Variants in TAS1R2 observed in about 807,000 individuals in gnomAD.
TAS1R2 encodes the protein taste 1 receptor member 2.
TAS1R2 carries 47 observed loss-of-function variants against 49.3 expected under a neutral mutation model. The observed-to-expected ratio is 0.95, with a 90% CI of 0.75 to 1.22. The LOEUF is 1.22. Ranked by LOEUF, TAS1R2 falls within the 50% of genes most tolerant of loss-of-function variation. The probability of loss-of-function intolerance (pLI) is 0.00; values close to 1 mark genes in which losing one functional copy is unlikely to be tolerated. For synonymous variants in TAS1R2, 479 were observed against 467.9 expected (o/e 1.02, Z -0.31); for missense variants, 1,155 against 1,122.1 (o/e 1.03, Z -0.42).
chr1:18,855,014 C>A, intron 2 of TAS1R2, 28 bp from the exon 3 acceptor site: 2 of 1,586,454 alleles, frequency 1.3e-6, no homozygotes, highest in South Asian at 1.1e-5. Flanking sequence ...GTGGCATGAG[C>A]GAGTGCCCCG....
At chr1:18,851,532 T>C (rs764991054) in intron 3 of TAS1R2, among the ~76,000 whole-genome samples, 10 of 152,136 alleles carry the variant, frequency 6.6e-5, no homozygotes, top group Admixed American at 1.3e-4. Context: ...GGTTTCACCA[T>C]GTTGGCCAGG....
chr1:18,840,376 C>G (rs1295063839), exon 6 of TAS1R2: 1 of 1,614,138 alleles, frequency 6.2e-7, no homozygotes, highest in Non-Finnish European at 8.5e-7. Context: ...CCAGGATGGC[C>G]AGGGTGCTGA....
rs561796605 is a variant in TAS1R2 at position 18,850,942 on chromosome 1, G to A, written c.1258-1392C>T. Among the ~76,000 whole-genome samples, 393 of 152,302 alleles carry A rather than the reference G, an allele frequency of 2.6e-3. 4 individuals are homozygous for A. The highest frequency in any genetic ancestry group is 0.017 in the Middle Eastern group (5 of 294). The stretch of plus-strand genomic sequence containing the variant: ...GAGGAGGAGTACATTCAGCCTCTTC[G>A]CTGCCCCAGGTAATTTGCATCATGA... On this transcript the variant is annotated intron_variant, in intron 3 of 5. Transcript: ENST00000375371.
At chr1:18,855,624 C>T (rs896271102) in intron 2 of TAS1R2, among the ~76,000 whole-genome samples, 5 of 152,184 alleles carry the variant, frequency 3.3e-5, no homozygotes, top group African/African-American at 7.2e-5. Flanking sequence ...CCCATTTCCA[C>T]GTCAACAACT....
At chr1:18,848,472 C>A (rs1933962134) in intron 4 of TAS1R2, among the ~76,000 whole-genome samples, 1 of 152,034 alleles carries the variant, frequency 6.6e-6, no homozygotes, top group Admixed American at 6.5e-5. Context: ...ACTGTATACC[C>A]ACGAATAGAG....
In TAS1R2 at chr1:18,854,011, T is replaced by C. The variant is rs1484860541; in HGVS notation, c.1257+202A>G. Among the ~76,000 whole-genome samples the C allele has an allele frequency of 1.3e-5, 2 of 152,204 alleles. No homozygotes were observed. Among genetic ancestry groups the C allele is most frequent in the Non-Finnish European group, 2.9e-5 (2 of 68,024 alleles). On this transcript the variant is annotated intron_variant, in intron 3 of 5. Transcript: ENST00000375371. The surrounding 1 kb of genome is among the most constrained non-coding windows in gnomAD (Gnocchi z 4.9). ...GGATTTCCTTCTGGTGAATTCCACC[T>C]GAATCTCCCAAGAACAGACTACTAT...
At chr1:18,843,094 A>C (rs12137730) in intron 4 of TAS1R2, among the ~76,000 whole-genome samples, 46,399 of 152,066 alleles carry the variant, frequency 0.31, 7,702 homozygotes, top group Non-Finnish European at 0.37. Flanking sequence ...TATCTTATCA[A>C]ATCACTGACA....
exon 1 of TAS1R2, chr1:18,859,591 T>TCTCAGCCGG: frequency 6.2e-7 from 1 of 1,614,178 alleles, no homozygotes; most frequent in Non-Finnish European, 8.5e-7. Context: ...AAGTCCGAGT[T>TCTCAGCCGG]CTCAGCCGGC....
At chr1:18,857,726 A>AGG in intron 1 of TAS1R2, 95 bp from the exon 2 acceptor site, 2 of 1,421,290 alleles carry the variant, frequency 1.4e-6, no homozygotes, top group Non-Finnish European at 1.9e-6. Context: ...TGCCACAGGA[A>AGG]AGCCAAGGCA....
intron 4 of TAS1R2, among the ~76,000 whole-genome samples, chr1:18,844,176 C>T (rs1933875967): frequency 6.6e-6 from 1 of 152,108 alleles, no homozygotes; most frequent in Admixed American, 6.5e-5. Context: ...GGAGATACTG[C>T]TTGTATGTGG....
At chr1:18,842,815 C>T (rs2100507781) in intron 4 of TAS1R2, among the ~76,000 whole-genome samples, 1 of 152,114 alleles carries the variant, frequency 6.6e-6, no homozygotes, top group South Asian at 2.1e-4. Flanking sequence ...GGGAGTTGTT[C>T]AATGGGAATA....
Position 18,857,645 on chromosome 1 carries a change from A to AT in TAS1R2, c.183-15_183-14insA, listed in dbSNP as rs769610082. The stretch of plus-strand genomic sequence containing the variant: ...TTCACTTCATACCTGGAGGGGCCAC[A>AT]GCATCATGAGGTGGAAGCAGATCCA... On this transcript the variant is annotated splice_polypyrimidine_tract_variant and intron_variant, in intron 1 of 5. Transcript: ENST00000375371. 1.7e-5 allele frequency: 28 copies of AT among 1,606,226 alleles called. No homozygotes were observed. The highest frequency in any genetic ancestry group is 2.3e-5 in the Non-Finnish European group (27 of 1,175,814).
At position 18,840,359 on chromosome 1, in the gene TAS1R2, A is replaced by C. The variant is rs779223533; in HGVS notation, c.1760T>G (p.Phe587Cys). 3.1e-6 allele frequency: 5 copies of C among 1,614,120 alleles called. No individual in the cohort carries two copies. In the South Asian group the frequency reaches 5.5e-5, roughly 18 times the overall value. The change falls in exon 6 of 6, where the codon TTC (phenylalanine) becomes TGC (cysteine). Residue 587 changes from phenylalanine to cysteine, a missense_variant. Phe to Cys is a radical substitution (Grantham distance 205, BLOSUM62 -2). Coordinates refer to ENST00000375371, the Ensembl canonical transcript of TAS1R2. ...TATGGGTGTCTGGAAGTGCCTCCAG[A>C]ATATCACCAGGATGGCCAGGGTGCT...
In TAS1R2 at chr1:18,854,880, A is replaced by C; in HGVS notation, c.590T>G (p.Leu197Arg). ...CCAGTTCCAGCGGAAGTGCAGCATCAGCTGCACCATGGCCTCGATGTGGTG... is the reference window on the plus strand; with the variant it reads ...CCAGTTCCAGCGGAAGTGCAGCATCCGCTGCACCATGGCCTCGATGTGGTG... Residue 197 changes from leucine (L) to arginine (R), a missense_variant, in exon 3 of 6, where the codon CTG (leucine) becomes CGG (arginine). Physicochemically the swap from Leu to Arg is moderately radical, Grantham distance 102. Coordinates refer to ENST00000375371, the Ensembl canonical transcript of TAS1R2. The surrounding 1 kb of genome is among the most constrained non-coding windows in gnomAD (Gnocchi z 4.9). 6.2e-7 allele frequency: 1 copy of C among 1,612,686 alleles called. No individual in the cohort carries two copies. Among genetic ancestry groups the C allele is most frequent in the Non-Finnish European group, 8.5e-7 (1 of 1,179,910 alleles).
At chr1:18,852,533 G>A (rs950012514) in intron 3 of TAS1R2, among the ~76,000 whole-genome samples, 8 of 152,192 alleles carry the variant, frequency 5.3e-5, no homozygotes, top group Non-Finnish European at 1.2e-4. Context: ...CCTCTTGACT[G>A]CATCATCCCC....
chr1:18,855,732 C>T (rs1159005479), intron 2 of TAS1R2, among the ~76,000 whole-genome samples: 1 of 152,154 alleles, frequency 6.6e-6, no homozygotes, highest in Non-Finnish European at 1.5e-5. Context: ...CGAAACTGAA[C>T]CCTGTTCTCC....
At chr1:18,847,592 C>G (rs946905381) in intron 4 of TAS1R2, among the ~76,000 whole-genome samples, 88 of 152,132 alleles carry the variant, frequency 5.8e-4, no homozygotes, top group Non-Finnish European at 1.2e-3. Flanking sequence ...TTTTAGATCT[C>G]TAGATCCCCT....
rs140426137 is a variant in TAS1R2, at chr1:18,849,381, T to G, written c.1427A>C (p.Lys476Thr). 85 of 1,614,218 alleles carry G rather than the reference T, an allele frequency of 5.3e-5. No homozygotes were observed. The African/African-American group carries it at 9.7e-4, about 18-fold the overall frequency. Residue 476 changes from lysine to threonine, a missense_variant, in exon 4 of 6, where the codon AAG becomes ACG. By Grantham distance (78) the Lys-to-Thr change is moderately conservative (BLOSUM62 -1). Transcript: ENST00000375371. ...GTGCCAGGAGATGTCTTGGATGTTC[T>G]TCAGCTGTCGCTGCAGGGGGTAGTA...
At chr1:18,844,338 G>T (rs1383068147) in intron 4 of TAS1R2, among the ~76,000 whole-genome samples, 1 of 152,222 alleles carries the variant, frequency 6.6e-6, no homozygotes, top group South Asian at 2.1e-4. Context: ...AGACAAAGTT[G>T]CTTGGGGAAA....
Sources: gnomAD v4.1 joint callset for allele counts (sites outside exome capture counted in the v4.1 genomes callset) on GRCh38, gnomAD v4.1.1 for gene constraint, Gnocchi (gnomAD v3.1) non-coding constraint, MANE v1.5 for transcripts, NCBI Gene and HGNC (gene_info 2026-07-23, HGNC 2026-07-21) for gene names.